Variants in ZBTB20 observed in about 807,000 individuals in gnomAD.
ZBTB20 encodes the protein zinc finger and BTB domain containing 20.
ZBTB20 carries 9 observed loss-of-function variants against 56.9 expected under a neutral mutation model. The ratio of observed to expected loss-of-function variants is 0.16; its 90% confidence interval spans 0.10 to 0.28. The LOEUF is 0.28. Among genes scored for constraint, ZBTB20 ranks in the 10% least tolerant of loss-of-function variants. The pLI is 1.00. For synonymous variants in ZBTB20, 417 were observed against 420.7 expected (o/e 0.99, Z 0.11); for missense variants, 655 against 1,003.0 (o/e 0.65, Z 4.69).
chr3:114,844,368 T>TATACATATATAC (rs2074551968), intron 4 of ZBTB20, among the ~76,000 whole-genome samples: 1 of 99,428 alleles, frequency 1.0e-5, no homozygotes, highest in African/African-American at 3.5e-5. Context: ...TATATATATA[T>TATACATATATAC]ATATTAGCTG....
chr3:114,581,510 C>G (rs2054628987), intron 6 of ZBTB20, among the ~76,000 whole-genome samples: 1 of 151,976 alleles, frequency 6.6e-6, no homozygotes, highest in Admixed American at 6.6e-5. Context: ...TTTGTAATCT[C>G]TATGGCCCAA....
At chr3:114,748,808 C>T (rs982545754) in intron 5 of ZBTB20, among the ~76,000 whole-genome samples, 1 of 152,114 alleles carries the variant, frequency 6.6e-6, no homozygotes. Context: ...CTGTAAACTG[C>T]AAAGTGCTGT....
intron 10 of ZBTB20, among the ~76,000 whole-genome samples, chr3:114,371,554 T>C (rs984623669): frequency 6.6e-6 from 1 of 152,222 alleles, no homozygotes; most frequent in Non-Finnish European, 1.5e-5. Context: ...CTCCAGTTTA[T>C]AAAACTGCGT....
intron 3 of ZBTB20, among the ~76,000 whole-genome samples, chr3:114,910,674 T>A (rs1388789117): frequency 6.6e-6 from 1 of 152,042 alleles, no homozygotes; most frequent in Non-Finnish European, 1.5e-5. Flanking sequence ...TTTTCATTAT[T>A]ATCACAATTG....
intron 4 of ZBTB20, among the ~76,000 whole-genome samples, chr3:114,832,559 A>G (rs1283918545): frequency 2.0e-5 from 3 of 152,232 alleles, no homozygotes; most frequent in Middle Eastern, 3.4e-3. Flanking sequence ...AAAAACTTTG[A>G]TATTTTGTAA....
At chr3:114,928,246 C>T (rs904174804) in intron 3 of ZBTB20, among the ~76,000 whole-genome samples, 1 of 152,250 alleles carries the variant, frequency 6.6e-6, no homozygotes, top group African/African-American at 2.4e-5. Context: ...CCGGGGCACA[C>T]CCCATCATTT....
intron 1 of ZBTB20, among the ~76,000 whole-genome samples, chr3:115,131,670 T>A (rs903539846): frequency 2.6e-5 from 4 of 152,228 alleles, no homozygotes; most frequent in Non-Finnish European, 5.9e-5. Flanking sequence ...GCAAATCATA[T>A]GCAAATTATA....
chr3:114,421,590 C>T (rs913723998), intron 7 of ZBTB20, among the ~76,000 whole-genome samples: 3 of 152,108 alleles, frequency 2.0e-5, no homozygotes, highest in Non-Finnish European at 4.4e-5. Flanking sequence ...GTTTTAATAG[C>T]TGGGCTAATC....
intron 7 of ZBTB20, among the ~76,000 whole-genome samples, chr3:114,485,816 TCACCAGATA>T (rs1279979249): frequency 2.0e-5 from 3 of 152,152 alleles, no homozygotes; most frequent in Non-Finnish European, 2.9e-5. Context: ...AGAGAGGACT[TCACCAGATA>T]CCAAATTTGC....
In ZBTB20 at chr3:114,324,677, G is replaced by C. The variant is rs2079006258; in HGVS notation, c.*14328C>G. 2 of 152,120 alleles carry C rather than the reference G, an allele frequency of 1.3e-5. No individual in the cohort carries two copies. Among genetic ancestry groups the C allele is most frequent in the African/African-American group, 2.4e-5 (1 of 41,422 alleles). The allele number at this position is 152,120 out of a possible 1,614,324, so 9.4% of individuals were successfully genotyped here. On this transcript the variant is annotated 3_prime_UTR_variant, in exon 12 of 12. Coordinates refer to ENST00000675478, the MANE Select transcript of ZBTB20 (RefSeq NM_001348800.3). Reference sequence around the variant, plus strand: ...TACAGCAAAATTAAGAGTCTGCATTGTACCTCTTCTTGTGTTATTCCATAA... The same window carrying C: ...TACAGCAAAATTAAGAGTCTGCATTCTACCTCTTCTTGTGTTATTCCATAA...
At chr3:114,964,815 A>G (rs1330108778) in intron 3 of ZBTB20, among the ~76,000 whole-genome samples, 1 of 152,174 alleles carries the variant, frequency 6.6e-6, no homozygotes, top group South Asian at 2.1e-4. Context: ...GAGGGATAGG[A>G]AAAGGTAAAG....
intron 7 of ZBTB20, among the ~76,000 whole-genome samples, chr3:114,438,769 A>G (rs994760244): frequency 2.0e-5 from 3 of 152,184 alleles, no homozygotes; most frequent in Admixed American, 2.0e-4. Flanking sequence ...TTAAAAAATT[A>G]TTAAGAATTT....
chr3:115,101,765 G>A lies in ZBTB20; in HGVS notation c.-702-30351C>T, dbSNP rs971369764. On this transcript the variant is annotated intron_variant, in intron 1 of 11. Transcript: ENST00000675478. ...TGCGTTTGGGCAACAATAATCCTAA[G>A]TATATGAATTGTAAAAATCATCCTT... 3.7e-4 allele frequency among the ~76,000 whole-genome samples: 57 copies of A among 152,106 alleles called. 1 individual carries two copies. The highest frequency in any genetic ancestry group is 1.4e-3 in the African/African-American group (57 of 41,428).
intron 7 of ZBTB20, among the ~76,000 whole-genome samples, chr3:114,450,593 A>AGATGT (rs2091545481): frequency 1.3e-5 from 2 of 152,188 alleles, no homozygotes; most frequent in African/African-American, 4.8e-5. Flanking sequence ...CTATGGGTTT[A>AGATGT]AAGAATGTAA....
intron 2 of ZBTB20, among the ~76,000 whole-genome samples, chr3:115,013,776 C>T (rs1401985941): frequency 1.3e-5 from 2 of 151,512 alleles, no homozygotes; most frequent in African/African-American, 4.8e-5. Flanking sequence ...CAAATGCTGG[C>T]AAGGACATGG....
chr3:114,968,445 C>G (rs569295029), intron 3 of ZBTB20, among the ~76,000 whole-genome samples: 1 of 152,226 alleles, frequency 6.6e-6, no homozygotes, highest in Admixed American at 6.5e-5. Context: ...AATGTATGTC[C>G]AAGTGGACAG....
intron 7 of ZBTB20, among the ~76,000 whole-genome samples, chr3:114,409,405 C>T (rs1449106661): frequency 6.6e-6 from 1 of 151,888 alleles, no homozygotes; most frequent in Non-Finnish European, 1.5e-5. Flanking sequence ...CGATTTTGGC[C>T]TAGCTATTGC....
chr3:114,943,736 A>G (rs1292658573), intron 3 of ZBTB20, among the ~76,000 whole-genome samples: 1 of 145,088 alleles, frequency 6.9e-6, no homozygotes, highest in Non-Finnish European at 1.5e-5. Flanking sequence ...TGGTTAAAAA[A>G]TGTTTTAACA....
rs567363908 is a variant in ZBTB20 at position 115,042,538 on chromosome 3, G to A, written c.-507+28681C>T. ...GTGTATTTTCCTAGAGTTAAAAAAA[G>A]AAATATTTTTATTGAGTACATTCCA... is the stretch of plus-strand genomic sequence containing the variant. On this transcript the variant is annotated intron_variant, in intron 2 of 11. Transcript: ENST00000675478. Among the ~76,000 whole-genome samples, 4 of 152,186 alleles carry A rather than the reference G, an allele frequency of 2.6e-5. No individual in the cohort carries two copies. In the East Asian group the frequency reaches 7.7e-4, roughly 29 times the overall value.
Sources: allele counts gnomAD v4.1 joint callset (sites outside exome capture counted in the v4.1 genomes callset), GRCh38; gene constraint gnomAD v4.1.1; transcripts MANE v1.5; gene names NCBI Gene and HGNC (gene_info 2026-07-23, HGNC 2026-07-21).